DAB1: variants seen among roughly 807,000 people sequenced by gnomAD.
The protein encoded by DAB1 is disabled homolog 1.
In DAB1, 15 loss-of-function variants were observed where a neutral mutation model predicts 64.6. The ratio of observed to expected loss-of-function variants is 0.23; its 90% confidence interval spans 0.16 to 0.36. DAB1 has a LOEUF of 0.36. Among genes scored for constraint, DAB1 ranks in the 10% least tolerant of loss-of-function variants. The pLI, the probability that DAB1 is intolerant of heterozygous loss-of-function variation, is 1.00. For missense variants in DAB1, 596 were observed against 706.7 expected, an observed-to-expected ratio of 0.84 and a Z score of 1.78; for synonymous variants, 235 against 251.9, an observed-to-expected ratio of 0.93 and a Z score of 0.64.
chr1:58,511,619 A>G (rs72672221), intron 2 of DAB1, among the ~76,000 whole-genome samples: 7,339 of 152,142 alleles, frequency 0.048, 224 homozygotes, highest in African/African-American at 0.063. Context: ...ACAGAGCAAG[A>G]CCCTGTCTCA....
chr1:58,350,085 G>C (rs1644037095), intron 3 of DAB1, among the ~76,000 whole-genome samples: 1 of 152,170 alleles, frequency 6.6e-6, no homozygotes, highest in South Asian at 2.1e-4. Flanking sequence ...ATGTGTAAAA[G>C]CATTCCTATT....
chr1:57,214,632 C>T (rs997388904), intron 2 of DAB1, among the ~76,000 whole-genome samples: 8 of 152,036 alleles, frequency 5.3e-5, no homozygotes, highest in African/African-American at 1.2e-4. Flanking sequence ...CAAAACAAGC[C>T]GGGCGCAGTG....
intron 4 of DAB1, among the ~76,000 whole-genome samples, chr1:58,171,625 C>T (rs971883825): frequency 2.0e-5 from 3 of 152,204 alleles, no homozygotes; most frequent in African/African-American, 7.2e-5. Flanking sequence ...TTCTCTTTGC[C>T]TTTGAAGATC....
At chr1:57,012,472 T>G (rs1646294427) in intron 12 of DAB1, among the ~76,000 whole-genome samples, 1 of 152,222 alleles carries the variant, frequency 6.6e-6, no homozygotes, top group Non-Finnish European at 1.5e-5. Context: ...GCACTGGCAT[T>G]TAACAGAGCT....
At chr1:57,379,843 G>T (rs1274787327) in intron 1 of DAB1, among the ~76,000 whole-genome samples, 1 of 152,098 alleles carries the variant, frequency 6.6e-6, no homozygotes. Context: ...GAAGATCAAG[G>T]GCTTGCGTTC....
intron 3 of DAB1, among the ~76,000 whole-genome samples, chr1:58,492,150 G>A (rs1397332292): frequency 6.6e-6 from 1 of 152,146 alleles, no homozygotes; most frequent in Non-Finnish European, 1.5e-5. Flanking sequence ...TGAACAACAT[G>A]CTCCTGAATG....
At chr1:57,538,669 C>T (rs1354050728) in intron 7 of DAB1, among the ~76,000 whole-genome samples, 3 of 152,182 alleles carry the variant, frequency 2.0e-5, no homozygotes, top group Admixed American at 6.5e-5. Flanking sequence ...GGGTCCTCTG[C>T]CCTCCAGCCA....
chr1:57,628,262 C>A (rs989817582), intron 7 of DAB1, among the ~76,000 whole-genome samples: 7 of 152,136 alleles, frequency 4.6e-5, no homozygotes, highest in Non-Finnish European at 1.0e-4. Flanking sequence ...TGTAAAAAAG[C>A]ATTTATAAAG....
chr1:57,479,735 C>T lies in DAB1; in HGVS notation n.625+169857G>A, dbSNP rs571837568. 4.6e-5 allele frequency among the ~76,000 whole-genome samples: 7 copies of T among 152,040 alleles called. No homozygotes were observed. In the South Asian group the frequency reaches 1.0e-3, roughly 22 times the overall value. On this transcript the variant is annotated intron_variant and non_coding_transcript_variant, in intron 7 of 20. Transcript: ENST00000485760. The stretch of plus-strand genomic sequence containing the variant: ...GCTGGGGGCTGGCACAATGGAAGCT[C>T]CTTGAGCATCTTCCTCTATCTCTCT...
intron 3 of DAB1, chr1:58,343,486 C>A (rs373668713): frequency 6.6e-6 from 1 of 152,182 alleles, no homozygotes; most frequent in Non-Finnish European, 1.5e-5. Flanking sequence ...AGTGTGGTAG[C>A]ACAAGGTATC....
intron 4 of DAB1, among the ~76,000 whole-genome samples, chr1:58,332,986 C>G (rs1663009269): frequency 1.3e-5 from 2 of 152,194 alleles, no homozygotes; most frequent in Admixed American, 1.3e-4. Flanking sequence ...TCTCGGCTCA[C>G]TGCAACCTCT....
At position 58,211,790 on chromosome 1, in the gene DAB1, C is replaced by T. The variant is rs192120587; in HGVS notation, n.310-61202G>A. ...AAATCACTTTCCTGTGGTCTCATTG[C>T]TAGTGATAGTGGAAATGGGATTCAT... On this transcript the variant is annotated intron_variant and non_coding_transcript_variant, in intron 4 of 20. Transcript: ENST00000485760. 1.7e-4 allele frequency among the ~76,000 whole-genome samples: 26 copies of T among 152,248 alleles called. 2 individuals are homozygous for T. In the East Asian group the frequency reaches 4.8e-3, roughly 28 times the overall value.
At chr1:57,268,037 T>G (rs1196084070) in intron 2 of DAB1, among the ~76,000 whole-genome samples, 1 of 152,186 alleles carries the variant, frequency 6.6e-6, no homozygotes, top group Admixed American at 6.5e-5. Flanking sequence ...CCATAAATAT[T>G]TACATGTAGG....
chr1:57,857,200 CA>C (rs1653793331), intron 1 of DAB1, among the ~76,000 whole-genome samples: 3 of 151,932 alleles, frequency 2.0e-5, no homozygotes, highest in Admixed American at 2.0e-4. Context: ...GTGAGAGAAA[CA>C]AAAAAGGCAA....
intron 4 of DAB1, among the ~76,000 whole-genome samples, chr1:58,325,070 A>G (rs561366026): frequency 1.3e-5 from 2 of 152,330 alleles, no homozygotes; most frequent in Admixed American, 1.3e-4. Context: ...CATATGAGAG[A>G]CAGTCAGATA....
At chr1:57,140,987 A>G (rs990174670) in intron 3 of DAB1, among the ~76,000 whole-genome samples, 3 of 152,176 alleles carry the variant, frequency 2.0e-5, no homozygotes, top group Admixed American at 6.5e-5. Flanking sequence ...CATGCACCCA[A>G]CGTTATGACT....
intron 5 of DAB1, among the ~76,000 whole-genome samples, chr1:58,074,881 C>T (rs187030399): frequency 6.6e-6 from 1 of 152,154 alleles, no homozygotes; most frequent in East Asian, 1.9e-4. Context: ...ATGCTACGTG[C>T]CTGTCATCTA....
chr1:57,558,025 C>T (rs1645010440), intron 7 of DAB1, among the ~76,000 whole-genome samples: 2 of 32,198 alleles, frequency 6.2e-5, no homozygotes, highest in Admixed American at 4.8e-4. Flanking sequence ...ACCTGCAACC[C>T]AAGTTGCATG....
intron 2 of DAB1, among the ~76,000 whole-genome samples, chr1:57,169,707 C>T (rs1286571819): frequency 6.6e-6 from 1 of 152,170 alleles, no homozygotes; most frequent in African/African-American, 2.4e-5. Flanking sequence ...TATCCTCCAC[C>T]ATCCCCAGGT....
Sources: allele counts gnomAD v4.1 joint callset (sites outside exome capture counted in the v4.1 genomes callset), GRCh38; gene constraint gnomAD v4.1.1; transcripts MANE v1.5; gene names NCBI Gene and HGNC (gene_info 2026-07-23, HGNC 2026-07-21).